The following STX8 variants were observed in gnomAD, a reference collection of about 807,000 sequenced individuals.
STX8 encodes the protein syntaxin 8.
STX8 carries 23 observed loss-of-function variants against 37.5 expected under a neutral mutation model. The observed-to-expected ratio is 0.61, with a 90% CI of 0.44 to 0.87. STX8 has a LOEUF of 0.87. STX8 is among the 40% of genes least tolerant of loss of function. The probability of loss-of-function intolerance (pLI) is 0.00; values close to 1 mark genes in which losing one functional copy is unlikely to be tolerated. For synonymous variants in STX8, 115 were observed against 99.1 expected (o/e 1.16, Z -0.95); for missense variants, 313 against 284.7 (o/e 1.10, Z -0.71).
intron 5 of STX8, among the ~76,000 whole-genome samples, chr17:9,500,418 C>T (rs6503217): frequency 0.016 from 2,474 of 152,252 alleles, 69 homozygotes; most frequent in African/African-American, 0.056. Flanking sequence ...AGTTCCCAAG[C>T]CATGGTGTGG....
At chr17:9,315,445 C>T (rs1270426858) in intron 7 of STX8, among the ~76,000 whole-genome samples, 1 of 152,214 alleles carries the variant, frequency 6.6e-6, no homozygotes, top group Non-Finnish European at 1.5e-5. Context: ...AGTCTTCCAT[C>T]TCACCCTTTG....
intron 6 of STX8, among the ~76,000 whole-genome samples, chr17:9,428,428 G>C (rs1306669396): frequency 6.6e-6 from 1 of 152,166 alleles, no homozygotes; most frequent in Non-Finnish European, 1.5e-5. Flanking sequence ...TTTTAGTAGA[G>C]ACGGGGTTTC....
At chr17:9,384,784 C>G (rs895711846) in intron 6 of STX8, among the ~76,000 whole-genome samples, 3 of 116,098 alleles carry the variant, frequency 2.6e-5, no homozygotes, top group African/African-American at 3.7e-5. Flanking sequence ...AAAACAGAGT[C>G]CAGATAGACT....
At chr17:9,433,801 A>G (rs1173109993) in intron 6 of STX8, among the ~76,000 whole-genome samples, 1 of 152,102 alleles carries the variant, frequency 6.6e-6, no homozygotes, top group Non-Finnish European at 1.5e-5. Flanking sequence ...TCTTCCTAGG[A>G]AAGTGAGGAA....
intron 7 of STX8, among the ~76,000 whole-genome samples, chr17:9,357,439 C>T (rs1211994717): frequency 6.6e-6 from 1 of 151,954 alleles, no homozygotes; most frequent in East Asian, 1.9e-4. Flanking sequence ...CCTGTAATCC[C>T]AGCACTTTGG....
rs565829811 is a variant in STX8, at chr17:9,332,911, T to C, written c.643+45641A>G. On this transcript the variant is annotated intron_variant, in intron 7 of 7. Coordinates refer to ENST00000306357, the MANE Select transcript of STX8 (RefSeq NM_004853.3). ...GAGGTAATGATATTTTTGGCTACCT[T>C]TGGGGAAATGCATCCCATCTTTAAA... Among the ~76,000 whole-genome samples, 3 of 152,302 alleles carry C rather than the reference T, an allele frequency of 2.0e-5. No individual in the cohort carries two copies. In the South Asian group the frequency reaches 6.2e-4, roughly 32 times the overall value.
chr17:9,563,742 T>A (rs1157037444), intron 2 of STX8, among the ~76,000 whole-genome samples: 1 of 151,788 alleles, frequency 6.6e-6, no homozygotes, highest in Non-Finnish European at 1.5e-5. Flanking sequence ...AAAATTAAAT[T>A]AAAAAGTTGG....
At chr17:9,260,603 A>C (rs1430717656) in intron 7 of STX8, among the ~76,000 whole-genome samples, 1 of 152,056 alleles carries the variant, frequency 6.6e-6, no homozygotes, top group Non-Finnish European at 1.5e-5. Flanking sequence ...TAGCCTGGGC[A>C]ACAGAGTGAG....
chr17:9,419,759 G>A (rs1239427155), intron 6 of STX8, among the ~76,000 whole-genome samples: 1 of 152,088 alleles, frequency 6.6e-6, no homozygotes, highest in East Asian at 1.9e-4. Context: ...TTGCTCTTAT[G>A]GACCTGAATT....
intron 4 of STX8, among the ~76,000 whole-genome samples, chr17:9,513,525 A>G (rs1208453457): frequency 6.6e-6 from 1 of 152,142 alleles, no homozygotes; most frequent in Non-Finnish European, 1.5e-5. Context: ...CACAAAATAA[A>G]TGCTTGTGAG....
At chr17:9,516,651 T>C (rs1444282883) in intron 4 of STX8, among the ~76,000 whole-genome samples, 2 of 152,080 alleles carry the variant, frequency 1.3e-5, no homozygotes, top group Admixed American at 6.6e-5. Flanking sequence ...TTTCATTTGG[T>C]TTTATGTTCA....
chr17:9,503,660 C>A (rs1825535904), intron 5 of STX8, among the ~76,000 whole-genome samples: 1 of 152,172 alleles, frequency 6.6e-6, no homozygotes, highest in South Asian at 2.1e-4. Context: ...GCATGTGCCA[C>A]CAGGCCTGGC....
intron 6 of STX8, among the ~76,000 whole-genome samples, chr17:9,463,250 T>C (rs564482258): frequency 6.6e-6 from 1 of 152,322 alleles, no homozygotes; most frequent in Admixed American, 6.5e-5. Flanking sequence ...TTATTACCGC[T>C]CACAGGGACA....
chr17:9,322,197 T>C (rs1174096884), intron 7 of STX8, among the ~76,000 whole-genome samples: 1 of 152,156 alleles, frequency 6.6e-6, no homozygotes, highest in Non-Finnish European at 1.5e-5. Context: ...GGAGGAAGTA[T>C]AAATGGCGGG....
At chr17:9,368,064 A>C (rs1430406933) in intron 7 of STX8, among the ~76,000 whole-genome samples, 1 of 152,214 alleles carries the variant, frequency 6.6e-6, no homozygotes, top group African/African-American at 2.4e-5. Context: ...GTATTATCAT[A>C]ATCTTGTAAA....
intron 1 of STX8, among the ~76,000 whole-genome samples, chr17:9,573,835 A>G (rs1907787365): frequency 6.6e-6 from 1 of 152,182 alleles, no homozygotes. Flanking sequence ...CTACTTCTAG[A>G]CAGGGAGCCC....
intron 7 of STX8, among the ~76,000 whole-genome samples, chr17:9,258,108 A>G (rs1406278960): frequency 1.3e-5 from 2 of 152,214 alleles, no homozygotes; most frequent in African/African-American, 4.8e-5. Flanking sequence ...AACAGAGGAC[A>G]CTTCTTAGGG....
At chr17:9,304,505 C>T (rs1451435589) in intron 7 of STX8, among the ~76,000 whole-genome samples, 2 of 73,682 alleles carry the variant, frequency 2.7e-5, no homozygotes, top group African/African-American at 9.8e-5. Flanking sequence ...GCGAAACTGT[C>T]TCAAAAAAAA....
intron 7 of STX8, among the ~76,000 whole-genome samples, chr17:9,288,927 C>G (rs1908203353): frequency 6.6e-6 from 1 of 152,072 alleles, no homozygotes; most frequent in African/African-American, 2.4e-5. Context: ...AATTTTCAAA[C>G]TGAAGCGTTC....
Sources: gnomAD v4.1 joint callset for allele counts (sites outside exome capture counted in the v4.1 genomes callset) on GRCh38, gnomAD v4.1.1 for gene constraint, MANE v1.5 for transcripts, NCBI Gene and HGNC (gene_info 2026-07-23, HGNC 2026-07-21) for gene names.